Variants in CTNND2 observed in about 807,000 individuals in gnomAD.
The protein encoded by CTNND2 is catenin delta 2, also known as catenin delta-2.
A neutral mutation model predicts 144.4 loss-of-function variants in CTNND2; 22 were observed. The observed-to-expected ratio is 0.15, with a 90% CI of 0.11 to 0.22. The LOEUF (loss-of-function observed/expected upper bound fraction) is 0.22. Ranked by LOEUF, CTNND2 falls within the 10% of genes least tolerant of loss-of-function variation. The pLI is 1.00. For synonymous variants in CTNND2, 751 were observed against 695.6 expected (o/e 1.08, Z -1.25); for missense variants, 1,353 against 1,618.8 (o/e 0.84, Z 2.82).
chr5:11,395,166 G>T (rs61749804), intron 6 of CTNND2, among the ~76,000 whole-genome samples: 34 of 152,290 alleles, frequency 2.2e-4, no homozygotes, highest in African/African-American at 7.7e-4. Flanking sequence ...TCTCTCAAGG[G>T]TATAACACTA....
chr5:10,992,877 G>A (rs2149500577), intron 18 of CTNND2, among the ~76,000 whole-genome samples, 200 bp from the exon 19 acceptor site: 1 of 152,318 alleles, frequency 6.6e-6, no homozygotes, highest in African/African-American at 2.4e-5. Flanking sequence ...CAGAGAGCCT[G>A]GCGGGTAGGG....
intron 1 of CTNND2, among the ~76,000 whole-genome samples, chr5:11,897,552 T>G (rs1333675847): frequency 1.3e-5 from 2 of 152,188 alleles, no homozygotes; most frequent in African/African-American, 4.8e-5. Context: ...CATCATCTTT[T>G]TTATGTCTAA....
chr5:11,286,247 A>G (rs1747739378), intron 9 of CTNND2, among the ~76,000 whole-genome samples: 1 of 152,194 alleles, frequency 6.6e-6, no homozygotes, highest in Non-Finnish European at 1.5e-5. Context: ...AGTAAAAAAA[A>G]AGAGACATGC....
At chr5:11,880,189 T>G (rs1365140744) in intron 1 of CTNND2, among the ~76,000 whole-genome samples, 1 of 152,148 alleles carries the variant, frequency 6.6e-6, no homozygotes, top group Non-Finnish European at 1.5e-5. Flanking sequence ...ATGAAGACAT[T>G]ATGCTCATGT....
chr5:11,021,607 A>G lies in CTNND2; in HGVS notation c.2999+1162T>C, dbSNP rs757306526. Among the ~76,000 whole-genome samples, 61 of 152,176 alleles carry G rather than the reference A, an allele frequency of 4.0e-4. 1 individual carries two copies. Among genetic ancestry groups the G allele is most frequent in the Admixed American group, 1.3e-4 (2 of 15,274 alleles). ...GGGGCTTTTCTACTTAATATGAGAAAACATTCAAATCCAAATGCAAAATTG... is the reference window on the plus strand; with the variant it reads ...GGGGCTTTTCTACTTAATATGAGAAGACATTCAAATCCAAATGCAAAATTG... On this transcript the variant is annotated intron_variant, in intron 17 of 21. Coordinates refer to ENST00000304623, the MANE Select transcript of CTNND2 (RefSeq NM_001332.4).
intron 1 of CTNND2, among the ~76,000 whole-genome samples, chr5:11,861,459 A>G (rs892048166): frequency 6.6e-6 from 1 of 152,178 alleles, no homozygotes; most frequent in African/African-American, 2.4e-5. Flanking sequence ...GCTATTTCTT[A>G]TACTCCATCC....
At chr5:11,425,339 T>C (rs62337479) in intron 3 of CTNND2, among the ~76,000 whole-genome samples, 2 of 152,060 alleles carry the variant, frequency 1.3e-5, no homozygotes, top group Non-Finnish European at 2.9e-5. Flanking sequence ...TGGAAAGGGG[T>C]CTCCTTGATT....
intron 6 of CTNND2, among the ~76,000 whole-genome samples, chr5:11,395,676 C>T (rs1448738255): frequency 6.6e-6 from 1 of 152,196 alleles, no homozygotes; most frequent in East Asian, 1.9e-4. Context: ...ATATTCCTAT[C>T]ATTCAGCATT....
At chr5:11,820,365 G>A (rs988622133) in intron 1 of CTNND2, among the ~76,000 whole-genome samples, 1 of 152,166 alleles carries the variant, frequency 6.6e-6, no homozygotes, top group Non-Finnish European at 1.5e-5. Context: ...CTCAAACTTA[G>A]AAGAAGAATG....
chr5:11,574,006 A>C (rs1380040470), intron 2 of CTNND2, among the ~76,000 whole-genome samples: 1 of 152,152 alleles, frequency 6.6e-6, no homozygotes, highest in Non-Finnish European at 1.5e-5. Context: ...TTATGCTTAA[A>C]AAATTAGTAG....
At chr5:11,121,742 T>G (rs1157084976) in intron 12 of CTNND2, among the ~76,000 whole-genome samples, 1 of 152,188 alleles carries the variant, frequency 6.6e-6, no homozygotes, top group Non-Finnish European at 1.5e-5. Context: ...ACTCAGACCA[T>G]ATGTTCACCT....
chr5:11,354,702 G>A (rs994267320), intron 8 of CTNND2, among the ~76,000 whole-genome samples: 1 of 152,132 alleles, frequency 6.6e-6, no homozygotes, highest in Non-Finnish European at 1.5e-5. Context: ...TATCCAGACA[G>A]AAATCAATAA....
intron 1 of CTNND2, among the ~76,000 whole-genome samples, chr5:11,774,565 AAAAAAAAC>A (rs1790144554): frequency 4.0e-5 from 6 of 150,032 alleles, no homozygotes; most frequent in South Asian, 2.1e-4. Context: ...AAAAATTAAA[AAAAAAAAC>A]AATGATGGCT....
intron 2 of CTNND2, among the ~76,000 whole-genome samples, chr5:11,627,275 T>A (rs1450793504): frequency 1.3e-5 from 2 of 152,206 alleles, no homozygotes; most frequent in Non-Finnish European, 2.9e-5. Flanking sequence ...CTTCAAGACC[T>A]ATCCAGATGT....
At chr5:11,138,548 C>T (rs1309214367) in intron 12 of CTNND2, among the ~76,000 whole-genome samples, 2 of 152,146 alleles carry the variant, frequency 1.3e-5, no homozygotes, top group East Asian at 3.8e-4. Context: ...CTCTCCCTGC[C>T]CAACCTGTGC....
At chr5:11,804,976 C>T (rs950633045) in intron 1 of CTNND2, among the ~76,000 whole-genome samples, 1 of 152,020 alleles carries the variant, frequency 6.6e-6, no homozygotes, top group Non-Finnish European at 1.5e-5. Context: ...AAATGAATGG[C>T]GATTGCAAGA....
At chr5:11,405,394 T>C (rs1290709970) in intron 5 of CTNND2, among the ~76,000 whole-genome samples, 2 of 152,112 alleles carry the variant, frequency 1.3e-5, no homozygotes, top group African/African-American at 4.8e-5. Flanking sequence ...AACATCTACA[T>C]GGTAGGAGGA....
At chr5:11,764,138 G>C (rs1448305075) in intron 1 of CTNND2, among the ~76,000 whole-genome samples, 4 of 152,084 alleles carry the variant, frequency 2.6e-5, no homozygotes, top group South Asian at 2.1e-4. Flanking sequence ...TGTGACAAAG[G>C]AAGAAGGAAT....
intron 10 of CTNND2, among the ~76,000 whole-genome samples, chr5:11,230,958 T>G (rs1466475263): frequency 6.6e-6 from 1 of 152,152 alleles, no homozygotes; most frequent in African/African-American, 2.4e-5. Context: ...TGATATGGTT[T>G]GGTTCTGTGT....
Sources: allele counts gnomAD v4.1 joint callset (sites outside exome capture counted in the v4.1 genomes callset), GRCh38; gene constraint gnomAD v4.1.1; transcripts MANE v1.5; gene names NCBI Gene and HGNC (gene_info 2026-07-23, HGNC 2026-07-21).